MMP26: variants seen among roughly 807,000 people sequenced by gnomAD.
MMP26 encodes the protein matrix metalloproteinase-26.
In MMP26, 33 loss-of-function variants were observed where a neutral mutation model predicts 31.0. That is an observed-to-expected ratio of 1.06 (90% CI 0.81 to 1.42). The LOEUF is 1.42. Ranked by LOEUF, MMP26 falls within the 40% of genes most tolerant of loss-of-function variation. MMP26 has a pLI of 0.00. For missense variants in MMP26, 347 were observed against 316.1 expected (o/e 1.10, Z -0.74); for synonymous variants, 122 against 114.9 (o/e 1.06, Z -0.40).
At chr11:4,955,669 G>C (rs143598087) in intron 2 of MMP26, 4 of 1,530,846 alleles carry the variant, frequency 2.6e-6, no homozygotes, top group Non-Finnish European at 3.6e-6. Flanking sequence ...TCCCAACCAA[G>C]AAGAAGGTGG....
intron 2 of MMP26, among the ~76,000 whole-genome samples, chr11:4,789,851 A>C (rs1848999929): frequency 2.0e-5 from 3 of 151,966 alleles, no homozygotes; most frequent in Non-Finnish European, 4.4e-5. Context: ...TTTAAAGAAG[A>C]GAAATTCACA....
chr11:4,881,824 T>A (rs1158873080), intron 2 of MMP26: 1 of 1,237,378 alleles, frequency 8.1e-7, no homozygotes, highest in Non-Finnish European at 1.2e-6. Flanking sequence ...ATAAAATGAC[T>A]AATAAAATGT....
intron 1 of MMP26, chr11:4,723,807 C>A: frequency 6.4e-7 from 1 of 1,572,430 alleles, no homozygotes. Context: ...GGAGGCTCCA[C>A]TTGGTCTCCA....
At chr11:4,910,139 A>T (rs570089154) in intron 2 of MMP26, among the ~76,000 whole-genome samples, 4 of 152,096 alleles carry the variant, frequency 2.6e-5, no homozygotes, top group Non-Finnish European at 4.4e-5. Flanking sequence ...TTCTGGAGAC[A>T]CAGAGGAAAA....
intron 1 of MMP26, among the ~76,000 whole-genome samples, chr11:4,734,702 T>C (rs76839465): frequency 6.8e-4 from 88 of 128,876 alleles, no homozygotes; most frequent in Middle Eastern, 4.2e-3. Context: ...TAAATCTTTA[T>C]TGTTAATTTC....
chr11:4,918,707 C>T (rs746982469), intron 2 of MMP26, among the ~76,000 whole-genome samples: 3 of 152,150 alleles, frequency 2.0e-5, no homozygotes, highest in East Asian at 1.9e-4. Flanking sequence ...TAATCCATGG[C>T]GTTTCTGCCC....
chr11:4,895,711 G>A (rs1393255128), intron 2 of MMP26, among the ~76,000 whole-genome samples: 2 of 152,260 alleles, frequency 1.3e-5, no homozygotes, highest in East Asian at 3.9e-4. Context: ...ATCACTTGAG[G>A]CCAGGCATTT....
chr11:4,832,917 C>T (rs17250199), intron 2 of MMP26: 17,277 of 189,574 alleles, frequency 0.091, 939 homozygotes, highest in Middle Eastern at 0.12. Context: ...GGCTACCATG[C>T]GTCGCTTTGC....
chr11:4,873,053 C>T (rs1337934308), intron 2 of MMP26, among the ~76,000 whole-genome samples: 1 of 152,044 alleles, frequency 6.6e-6, no homozygotes, highest in Non-Finnish European at 1.5e-5. Flanking sequence ...TTTTTGTCCT[C>T]TGATTACTCA....
rs74653174 is a variant in MMP26 at position 4,838,852 on chromosome 11, G to T, written c.-145+71511G>T. 3.3e-3 allele frequency among the ~76,000 whole-genome samples: 509 copies of T among 152,196 alleles called. 4 individuals carry two copies. The highest frequency in any genetic ancestry group is 9.8e-3 in the African/African-American group (405 of 41,534). ...CACTTTTTTAAAAACAAAAAAGTCG[G>T]ATGAGTCCTTATAATAACTTATAAT... is the stretch of plus-strand genomic sequence containing the variant. On this transcript the variant is annotated intron_variant, in intron 2 of 7. Coordinates refer to ENST00000380390, the MANE Select transcript of MMP26 (RefSeq NM_021801.5).
intron 2 of MMP26, among the ~76,000 whole-genome samples, chr11:4,940,966 C>T (rs1483015473): frequency 2.0e-5 from 3 of 152,156 alleles, no homozygotes; most frequent in African/African-American, 7.2e-5. Flanking sequence ...GGCTTATTGA[C>T]CATTTAAATC....
At chr11:4,936,730 TA>T (rs1192564149) in intron 2 of MMP26, among the ~76,000 whole-genome samples, 1 of 152,158 alleles carries the variant, frequency 6.6e-6, no homozygotes, top group African/African-American at 2.4e-5. Flanking sequence ...AAGATAAATG[TA>T]TTTTTTTGTA....
At chr11:4,967,847 G>C (rs1253670207) in intron 2 of MMP26, among the ~76,000 whole-genome samples, 3 of 152,092 alleles carry the variant, frequency 2.0e-5, no homozygotes, top group East Asian at 1.9e-4. Flanking sequence ...AGGGAGAAAA[G>C]AAAAATGTTT....
At chr11:4,810,783 G>A (rs952470048) in intron 2 of MMP26, among the ~76,000 whole-genome samples, 2 of 152,166 alleles carry the variant, frequency 1.3e-5, no homozygotes, top group Non-Finnish European at 2.9e-5. Flanking sequence ...GAACAGTGAA[G>A]GCCTACACAG....
At chr11:4,932,815 C>A (rs1426406439) in intron 2 of MMP26, among the ~76,000 whole-genome samples, 1 of 152,064 alleles carries the variant, frequency 6.6e-6, no homozygotes. Flanking sequence ...TTTCTCTGAC[C>A]TTTTGGCATT....
chr11:4,764,381 C>CA (rs926667178), intron 1 of MMP26, among the ~76,000 whole-genome samples: 18 of 151,982 alleles, frequency 1.2e-4, no homozygotes, highest in African/African-American at 4.3e-4. Flanking sequence ...AGTTCTTTGG[C>CA]AAAAAATATT....
At chr11:4,983,996 T>C (rs1446130217) in intron 2 of MMP26, among the ~76,000 whole-genome samples, 2 of 152,192 alleles carry the variant, frequency 1.3e-5, no homozygotes, top group Non-Finnish European at 2.9e-5. Flanking sequence ...AATAAGTCAC[T>C]CATTTGCTTT....
intron 2 of MMP26, chr11:4,915,492 GCT>G (rs1339589654): frequency 6.2e-7 from 1 of 1,614,004 alleles, no homozygotes; most frequent in African/African-American, 1.3e-5. Context: ...TGAAGTGAGC[GCT>G]CTGTTTTAAT....
chr11:4,802,446 A>G (rs920738495), intron 2 of MMP26, among the ~76,000 whole-genome samples: 2 of 152,204 alleles, frequency 1.3e-5, no homozygotes, highest in Non-Finnish European at 2.9e-5. Context: ...AATATCCTTT[A>G]CAATTTTAAT....
Sources: allele counts gnomAD v4.1 joint callset (sites outside exome capture counted in the v4.1 genomes callset), GRCh38; gene constraint gnomAD v4.1.1; transcripts MANE v1.5; gene names NCBI Gene and HGNC (gene_info 2026-07-23, HGNC 2026-07-21).